Variants in SPMIP6 observed in about 807,000 individuals in gnomAD.
SPMIP6 encodes the protein sperm microtubule inner protein 6, also known as ciliated bronchial epithelial protein 1.
chr9:34,382,172 A>C, the SPMIP6 span, among the ~76,000 whole-genome samples: 3 of 152,122 alleles, frequency 2.0e-5, no homozygotes, highest in African/African-American at 7.2e-5. Context: ...AGGAGTGCAC[A>C]CCAGTCATGT....
At chr9:34,384,084 T>C in the SPMIP6 span, among the ~76,000 whole-genome samples, 2 of 152,296 alleles carry the variant, frequency 1.3e-5, no homozygotes, top group Non-Finnish European at 2.9e-5. Context: ...GAGGAAGCCC[T>C]AGCGAAGAGC....
chr9:34,396,795 C>T, the SPMIP6 span, among the ~76,000 whole-genome samples: 1 of 152,192 alleles, frequency 6.6e-6, no homozygotes, highest in African/African-American at 2.4e-5. Flanking sequence ...TCGGGCAACT[C>T]TACTTTGTTC....
At chr9:34,389,679 T>A in the SPMIP6 span, among the ~76,000 whole-genome samples, 1 of 152,330 alleles carries the variant, frequency 6.6e-6, no homozygotes, top group East Asian at 1.9e-4. Flanking sequence ...TGAATCTTTA[T>A]GATAGTAACT....
At chr9:34,396,419 C>T in the SPMIP6 span, among the ~76,000 whole-genome samples, 272 of 152,296 alleles carry the variant, frequency 1.8e-3, 1 homozygote, top group African/African-American at 6.2e-3. Flanking sequence ...GTTCACCCCT[C>T]GCTGGCCTTC....
At chr9:34,382,915 T>A in the SPMIP6 span, 1 of 1,214,460 alleles carries the variant, frequency 8.2e-7, no homozygotes, top group Non-Finnish European at 1.2e-6. Flanking sequence ...CTTCTTACTC[T>A]ACTCCAGGAT....
chr9:34,393,949 T>A, the SPMIP6 span, among the ~76,000 whole-genome samples: 1 of 152,206 alleles, frequency 6.6e-6, no homozygotes, highest in Non-Finnish European at 1.5e-5. Flanking sequence ...ACTCATTTTT[T>A]AATAATCTCT....
chr9:34,379,273 T>A, the SPMIP6 span: 2 of 792,644 alleles, frequency 2.5e-6, no homozygotes, highest in Non-Finnish European at 4.4e-6. This position sits in a 1 kb window ranked among gnomAD's most constrained non-coding sequence, Gnocchi z 4.2. Context: ...ATCCCTACAC[T>A]TTGTCTATAG....
At chr9:34,392,442 CGTGTGTGTGT>C in the SPMIP6 span, among the ~76,000 whole-genome samples, 22 of 148,194 alleles carry the variant, frequency 1.5e-4, no homozygotes, top group South Asian at 2.2e-4. This position sits in a 1 kb window ranked among gnomAD's most constrained non-coding sequence, Gnocchi z 4.6. Flanking sequence ...ATCTAAAAAC[CGTGTGTGTGT>C]GTGTGTGTGT....
chr9:34,386,205 G>A, the SPMIP6 span, among the ~76,000 whole-genome samples: 1 of 152,136 alleles, frequency 6.6e-6, no homozygotes, highest in Non-Finnish European at 1.5e-5. Flanking sequence ...CCTGGGAGCT[G>A]GCTGCCTTAT....
the SPMIP6 span, chr9:34,379,804 C>G: frequency 5.6e-6 from 7 of 1,258,518 alleles, no homozygotes; most frequent in African/African-American, 2.9e-5. This position sits in a 1 kb window ranked among gnomAD's most constrained non-coding sequence, Gnocchi z 4.2. Flanking sequence ...TTAGACCAAG[C>G]CCCTGGGCGG....
the SPMIP6 span, among the ~76,000 whole-genome samples, chr9:34,394,900 A>C: frequency 6.6e-5 from 10 of 152,118 alleles, no homozygotes; most frequent in Non-Finnish European, 1.3e-4. Flanking sequence ...AGTTGTTTTG[A>C]AGCAACAGGG....
At chr9:34,380,961 C>A in the SPMIP6 span, 31 of 1,605,940 alleles carry the variant, frequency 1.9e-5, no homozygotes, top group African/African-American at 3.1e-4. Context: ...GCCCCGCTGG[C>A]GTAGTAGTCC....
the SPMIP6 span, chr9:34,379,842 G>A: frequency 1.3e-6 from 1 of 771,584 alleles, no homozygotes; most frequent in Middle Eastern, 3.2e-4. This position sits in a 1 kb window ranked among gnomAD's most constrained non-coding sequence, Gnocchi z 4.2. Context: ...CCAAGGCTCG[G>A]AAATCCTCCT....
At chr9:34,379,199 T>C in the SPMIP6 span, 3 of 1,498,028 alleles carry the variant, frequency 2.0e-6, no homozygotes, top group Non-Finnish European at 2.8e-6. This position sits in a 1 kb window ranked among gnomAD's most constrained non-coding sequence, Gnocchi z 4.2. Context: ...AAGAGATGGG[T>C]CAGCCGTTTT....
At chr9:34,379,549 A>G in the SPMIP6 span, 1 of 1,080,494 alleles carries the variant, frequency 9.3e-7, no homozygotes, top group Non-Finnish European at 1.4e-6. The surrounding 1 kb of genome is among the most constrained non-coding windows in gnomAD (Gnocchi z 4.2). Context: ...TGCACCGCGG[A>G]GCGTTCTCAT....
the SPMIP6 span, among the ~76,000 whole-genome samples, chr9:34,388,928 CTT>C: frequency 2.5e-4 from 24 of 94,706 alleles, no homozygotes; most frequent in South Asian, 1.0e-3. Flanking sequence ...TTTCCTCTCT[CTT>C]TCTTTTTTTT....
the SPMIP6 span, among the ~76,000 whole-genome samples, chr9:34,391,901 CT>C: frequency 6.6e-6 from 1 of 151,698 alleles, no homozygotes; most frequent in African/African-American, 2.4e-5. Flanking sequence ...TAGATCTTTG[CT>C]TTTTTTGGGG....
the SPMIP6 span, among the ~76,000 whole-genome samples, chr9:34,397,021 G>C: frequency 1.3e-5 from 2 of 152,190 alleles, no homozygotes; most frequent in African/African-American, 4.8e-5. Flanking sequence ...ATAAAGGCAT[G>C]CATATAGGAC....
the SPMIP6 span, among the ~76,000 whole-genome samples, chr9:34,380,527 G>A: frequency 6.6e-6 from 1 of 152,186 alleles, no homozygotes; most frequent in African/African-American, 2.4e-5. Context: ...AGGGCCAGGA[G>A]TCCAGGAAAG....
Sources: gnomAD v4.1 joint callset for allele counts (sites outside exome capture counted in the v4.1 genomes callset) on GRCh38, gnomAD v4.1.1 for gene constraint, Gnocchi (gnomAD v3.1) non-coding constraint, MANE v1.5 for transcripts, NCBI Gene and HGNC (gene_info 2026-07-23, HGNC 2026-07-21) for gene names.